ARPC1B: variants seen among roughly 807,000 people sequenced by gnomAD.
ARPC1B encodes the protein actin-related protein 2/3 complex subunit 1B.
In ARPC1B, 29 loss-of-function variants were observed where a neutral mutation model predicts 46.0. That is an observed-to-expected ratio of 0.63 (90% confidence interval 0.47 to 0.86). The LOEUF is 0.86. Among genes scored for constraint, ARPC1B ranks in the 40% least tolerant of loss-of-function variants. The pLI is 0.00. For missense variants in ARPC1B, 469 were observed against 529.4 expected (o/e 0.89, Z 1.12); for synonymous variants, 201 against 213.9 (o/e 0.94, Z 0.53).
chr7:99,389,880 C>T (rs1006410257), intron 4 of ARPC1B, 25 bp from the exon 5 acceptor site: 1 of 1,600,046 alleles, frequency 6.2e-7, no homozygotes, highest in Non-Finnish European at 8.6e-7. Flanking sequence ...CCCTCTCTCC[C>T]TGTCTGCCTG....
intron 1 of ARPC1B, among the ~76,000 whole-genome samples, chr7:99,376,061 CAAAAA>C (rs1055447800): frequency 2.7e-4 from 26 of 96,262 alleles, no homozygotes; most frequent in African/African-American, 8.1e-4. Context: ...GACTCCGTCT[CAAAAA>C]AAAAAAAAAA....
chr7:99,390,149 C>T (rs866296751), intron 5 of ARPC1B, 137 bp downstream of exon 5: 20 of 741,270 alleles, frequency 2.7e-5, no homozygotes, highest in South Asian at 5.2e-5. Context: ...ATGACCTGGG[C>T]GTCGGTTGAA....
chr7:99,386,840 G>A, intron 3 of ARPC1B, 51 bp downstream of exon 3: 1 of 1,452,344 alleles, frequency 6.9e-7, no homozygotes, highest in Non-Finnish European at 9.6e-7. Context: ...GGTGGGTTGG[G>A]GGGGTGGTGC....
chr7:99,378,436 T>G, intron 1 of ARPC1B, among the ~76,000 whole-genome samples: 1 of 151,416 alleles, frequency 6.6e-6, no homozygotes, highest in East Asian at 2.0e-4. Context: ...ATCCCAGCAC[T>G]TTGGGAGGCC....
At chr7:99,394,144 C>T in intron 9 of ARPC1B, 25 bp downstream of exon 9, 1 of 1,609,902 alleles carries the variant, frequency 6.2e-7, no homozygotes, top group East Asian at 2.2e-5. Context: ...TCCTGGCTTC[C>T]CGCCATGCCT....
Position 99,394,800 on chromosome 7 carries a change from A to AT in ARPC1B, c.*311_*312insT, listed in dbSNP as rs1408897081. ...TGTGTAAAAAAAAAAAAAAAAAAAAAAGTAATTATGGACATGCTTGCCTAT... is the reference window on the plus strand; with the variant it reads ...TGTGTAAAAAAAAAAAAAAAAAAAAATAGTAATTATGGACATGCTTGCCTAT... On this transcript the variant is annotated 3_prime_UTR_variant, in exon 10 of 10. Transcript: ENST00000646101. The AT allele has an allele frequency of 4.2e-6, 5 of 1,199,136 alleles. No homozygotes were observed. In the African/African-American group the frequency reaches 8.1e-5, roughly 19 times the overall value. 74.3% of individuals were successfully genotyped at this position (1,199,136 alleles called of 1,614,324 possible).
At chr7:99,375,167 C>T (rs930004851) in intron 1 of ARPC1B, among the ~76,000 whole-genome samples, 3 of 152,180 alleles carry the variant, frequency 2.0e-5, no homozygotes, top group Non-Finnish European at 4.4e-5. Context: ...CCTTCCGCCC[C>T]TGCTCCCCGG....
chr7:99,385,710 C>T lies in ARPC1B; in HGVS notation c.-5C>T. 1 of 1,608,924 alleles carries T rather than the reference C, an allele frequency of 6.2e-7. No homozygotes were observed. Among genetic ancestry groups the T allele is most frequent in the Non-Finnish European group, 8.5e-7 (1 of 1,178,822 alleles). On this transcript the variant is annotated 5_prime_UTR_variant, in exon 2 of 10. Coordinates refer to ENST00000646101, the MANE Select transcript of ARPC1B (RefSeq NM_005720.4). Reference sequence around the variant, plus strand: ...TCCTCTCTCGGGCACAGGAGCCAAGCCGCCATGGCCTACCACAGCTTCCTG... The same window carrying T: ...TCCTCTCTCGGGCACAGGAGCCAAGTCGCCATGGCCTACCACAGCTTCCTG...
At chr7:99,374,625 C>T (rs950907307), upstream of ARPC1B, 1 of 152,154 alleles carries the variant, frequency 6.6e-6, no homozygotes, top group South Asian at 2.1e-4. The surrounding 1 kb of genome is among the most constrained non-coding windows in gnomAD (Gnocchi z 5.0). Context: ...ACCTGGATCT[C>T]GCGACCGCTG....
At chr7:99,376,916 CA>C (rs1384429843) in intron 1 of ARPC1B, among the ~76,000 whole-genome samples, 2 of 150,932 alleles carry the variant, frequency 1.3e-5, no homozygotes, top group African/African-American at 4.9e-5. Context: ...AGGCTTGCTT[CA>C]GGGGGAGAAT....
At chr7:99,378,406 C>T (rs1349216066) in intron 1 of ARPC1B, among the ~76,000 whole-genome samples, 1 of 150,436 alleles carries the variant, frequency 6.6e-6, no homozygotes, top group African/African-American at 2.4e-5. Flanking sequence ...TGGGGCCAGG[C>T]GTGGTGGCTC....
intron 1 of ARPC1B, among the ~76,000 whole-genome samples, chr7:99,377,108 CTCAA>C (rs1421245982): frequency 1.3e-5 from 2 of 151,984 alleles, no homozygotes; most frequent in African/African-American, 4.8e-5. Flanking sequence ...AACTCCTGGG[CTCAA>C]GGGATCCTCC....
In ARPC1B at chr7:99,385,779, G is replaced by GT. The variant is rs749595780; in HGVS notation, c.64+2dup. Reference sequence around the variant, plus strand: ...CACGCCTGGAACAAGGACCGCACCCGTGAGTGCTTGCTGGGGGCCGGTGGG... The same window carrying GT: ...CACGCCTGGAACAAGGACCGCACCCGTTGAGTGCTTGCTGGGGGCCGGTGGG... On this transcript the variant is annotated splice_donor_variant, in intron 2 of 9. Coordinates refer to ENST00000646101, the MANE Select transcript of ARPC1B (RefSeq NM_005720.4). LOFTEE classifies it high-confidence loss of function. 5 of 1,607,744 alleles carry GT rather than the reference G, an allele frequency of 3.1e-6. No homozygotes were observed. Among genetic ancestry groups the GT allele is most frequent in the African/African-American group, 1.3e-5 (1 of 74,904 alleles).
chr7:99,383,698 T>C (rs916570474), intron 1 of ARPC1B, among the ~76,000 whole-genome samples: 6 of 152,162 alleles, frequency 3.9e-5, no homozygotes, highest in Admixed American at 6.6e-5. Context: ...GAGCCGTGTG[T>C]GCCGGTATCT....
At chr7:99,393,029 C>G (rs577178178) in intron 8 of ARPC1B, among the ~76,000 whole-genome samples, 153 bp downstream of exon 8, 1 of 152,264 alleles carries the variant, frequency 6.6e-6, no homozygotes, top group African/African-American at 2.4e-5. Context: ...GTGCCCTCAA[C>G]TCGCTGCGCC....
intron 1 of ARPC1B, among the ~76,000 whole-genome samples, chr7:99,385,305 TG>T (rs3052177): frequency 0.12 from 7,572 of 61,484 alleles, 183 homozygotes; most frequent in Middle Eastern, 0.14. Flanking sequence ...GGAAGTTGGG[TG>T]GGGGGGGGGG....
chr7:99,383,014 T>A (rs1190847507), intron 1 of ARPC1B, among the ~76,000 whole-genome samples: 2 of 151,830 alleles, frequency 1.3e-5, no homozygotes, highest in Non-Finnish European at 2.9e-5. Flanking sequence ...CCAGCTAATT[T>A]TTGTATTTTT....
Position 99,390,930 on chromosome 7 carries a change from C to T in ARPC1B, c.538C>T (p.Pro180Ser). 1 of 1,612,522 alleles carries T rather than the reference C, an allele frequency of 6.2e-7. No homozygotes were observed. Among genetic ancestry groups the T allele is most frequent in the East Asian group, 2.2e-5 (1 of 44,814 alleles). ...SAYIKEVEER[P>S]APTPWGSKMP... is the part of the protein sequence containing the mutation. Reference sequence around the variant, plus strand: ...CTACATCAAGGAGGTGGAGGAACGGCCGGCACCCACCCCGTGGGGCTCCAA... The same window carrying T: ...CTACATCAAGGAGGTGGAGGAACGGTCGGCACCCACCCCGTGGGGCTCCAA... Residue 180 changes from proline to serine, a missense_variant, in exon 6 of 10, where the codon CCG (proline) becomes TCG (serine). Physicochemically the swap from Pro to Ser is moderately conservative, Grantham distance 74. Transcript: ENST00000646101.
chr7:99,387,696 C>T (rs1465964661), intron 3 of ARPC1B, among the ~76,000 whole-genome samples: 7 of 145,568 alleles, frequency 4.8e-5, no homozygotes, highest in Admixed American at 1.4e-4. Context: ...GAGATCGTGC[C>T]AGTGCACTCC....
Sources: allele counts gnomAD v4.1 joint callset (sites outside exome capture counted in the v4.1 genomes callset), GRCh38; gene constraint gnomAD v4.1.1; non-coding constraint Gnocchi (gnomAD v3.1); transcripts MANE v1.5; gene names NCBI Gene and HGNC (gene_info 2026-07-23, HGNC 2026-07-21).